Variants in MITF observed in about 807,000 individuals in gnomAD.
MITF encodes melanocyte inducing transcription factor.
Under a neutral mutation model 60.5 loss-of-function variants are expected in MITF, and 17 were observed. That is an observed-to-expected ratio of 0.28 (90% CI 0.19 to 0.42). MITF has a LOEUF of 0.42. Among genes scored for constraint, MITF ranks in the 10% least tolerant of loss-of-function variants. The probability of loss-of-function intolerance (pLI) is 1.00; values close to 1 mark genes in which losing one functional copy is unlikely to be tolerated. For missense variants in MITF, 622 were observed against 683.5 expected (o/e 0.91, Z 1.00); for synonymous variants, 260 against 248.5 (o/e 1.05, Z -0.43).
intron 2 of MITF, chr3:69,936,502 A>G: frequency 3.6e-6 from 4 of 1,123,534 alleles, no homozygotes; most frequent in Non-Finnish European, 4.7e-6. Flanking sequence ...AGGGCTTCCA[A>G]AAAAAAGGCC....
intron 2 of MITF, among the ~76,000 whole-genome samples, chr3:69,889,830 A>C (rs1179376829): frequency 6.6e-6 from 1 of 152,156 alleles, no homozygotes; most frequent in Non-Finnish European, 1.5e-5. Context: ...TTTAAATTAA[A>C]TTATATGAAA....
chr3:69,922,987 T>C (rs17006609), intron 2 of MITF, among the ~76,000 whole-genome samples: 2,328 of 152,330 alleles, frequency 0.015, 25 homozygotes, highest in Middle Eastern at 0.051. Context: ...TCTGTTCACT[T>C]TGGAATTGGG....
At chr3:69,945,502 C>T (rs771208870) in intron 5 of MITF, among the ~76,000 whole-genome samples, 17 of 152,136 alleles carry the variant, frequency 1.1e-4, no homozygotes, top group Admixed American at 5.2e-4. Context: ...CTGTATTTAT[C>T]GGGAAAGTTT....
intron 1 of MITF, among the ~76,000 whole-genome samples, chr3:69,833,612 C>T (rs2063489679): frequency 2.0e-5 from 3 of 150,768 alleles, no homozygotes; most frequent in Admixed American, 6.6e-5. Flanking sequence ...TTTCTGTTTA[C>T]ATTACACTGT....
chr3:69,873,523 G>T (rs1220694578), intron 1 of MITF, among the ~76,000 whole-genome samples: 1 of 152,136 alleles, frequency 6.6e-6, no homozygotes, highest in African/African-American at 2.4e-5. Flanking sequence ...CAGTTGTGCT[G>T]TACCCATAAA....
intron 1 of MITF, among the ~76,000 whole-genome samples, chr3:69,855,816 C>T (rs1241253761): frequency 6.6e-6 from 1 of 152,174 alleles, no homozygotes; most frequent in Non-Finnish European, 1.5e-5. Flanking sequence ...TATATCGAAG[C>T]ATCAACCTGT....
chr3:69,860,290 A>G (rs1028285633), intron 1 of MITF, among the ~76,000 whole-genome samples: 1 of 152,200 alleles, frequency 6.6e-6, no homozygotes, highest in African/African-American at 2.4e-5. Flanking sequence ...TGTTTTATAT[A>G]TTTTTGTTTG....
intron 1 of MITF, among the ~76,000 whole-genome samples, chr3:69,809,018 G>A (rs2063058035): frequency 6.6e-6 from 1 of 152,020 alleles, no homozygotes; most frequent in Non-Finnish European, 1.5e-5. Context: ...TAGTAACAGT[G>A]GGGTGGAGCA....
intron 2 of MITF, among the ~76,000 whole-genome samples, chr3:69,897,594 G>A (rs2064904555): frequency 6.6e-6 from 1 of 152,156 alleles, no homozygotes; most frequent in African/African-American, 2.4e-5. Context: ...ACAGATTTAA[G>A]TAGTACAACA....
Position 69,965,063 on chromosome 3 carries a change from G to A in MITF, c.1396G>A (p.Glu466Lys), listed in dbSNP as rs150995386. Residue 466 changes from glutamate (E) to lysine (K), a missense_variant, in exon 10 of 10, where the codon GAG becomes AAG. Glu to Lys is a moderately conservative substitution (Grantham distance 56). This residue lies in a region of MITF where 224 missense variants were observed against 209.5 expected (regional missense o/e 1.07). Coordinates refer to ENST00000352241, the MANE Select transcript of MITF (RefSeq NM_001354604.2). Reference protein sequence around the residue: ...TFNNNLGTGTEANQAYSVPTK... With the variant: ...TFNNNLGTGTKANQAYSVPTK... ...CAACAACAACCTCGGAACTGGGACT[G>A]AGGCCAACCAAGCCTATAGTGTCCC... 3.3e-5 allele frequency: 53 copies of A among 1,614,120 alleles called. No homozygotes were observed. The Middle Eastern group carries it at 6.6e-4, about 20-fold the overall frequency.
chr3:69,885,391 G>C (rs1265483457), intron 2 of MITF, among the ~76,000 whole-genome samples: 2 of 152,056 alleles, frequency 1.3e-5, no homozygotes, highest in Admixed American at 6.6e-5. Context: ...GGTGAAGGCA[G>C]TATCATAAGG....
intron 8 of MITF, 50 bp from the exon 9 acceptor site, chr3:69,959,223 A>G (rs764217404): frequency 1.9e-6 from 3 of 1,606,732 alleles, no homozygotes; most frequent in South Asian, 1.1e-5. Flanking sequence ...TTGAATTTTC[A>G]TTGAGCCTCA....
intron 1 of MITF, among the ~76,000 whole-genome samples, chr3:69,801,783 T>C (rs2062923954): frequency 6.6e-6 from 1 of 152,156 alleles, no homozygotes; most frequent in Non-Finnish European, 1.5e-5. Context: ...AAATGGGCTA[T>C]AGAGTATGGT....
intron 1 of MITF, among the ~76,000 whole-genome samples, chr3:69,869,082 A>G (rs1357413849): frequency 6.6e-6 from 1 of 152,160 alleles, no homozygotes; most frequent in Non-Finnish European, 1.5e-5. Flanking sequence ...TGATTCAAGC[A>G]AATGGTTTGA....
chr3:69,805,535 G>A (rs573218693), intron 1 of MITF, among the ~76,000 whole-genome samples: 2 of 151,932 alleles, frequency 1.3e-5, no homozygotes, highest in African/African-American at 4.8e-5. Flanking sequence ...CTTATTTGTT[G>A]TTATCTTTTC....
At chr3:69,871,065 A>G (rs1401997435) in intron 1 of MITF, among the ~76,000 whole-genome samples, 1 of 152,168 alleles carries the variant, frequency 6.6e-6, no homozygotes, top group Non-Finnish European at 1.5e-5. Flanking sequence ...GACTTCAGGA[A>G]TGATTTGATA....
At chr3:69,811,056 T>A (rs2063093310) in intron 1 of MITF, among the ~76,000 whole-genome samples, 1 of 152,218 alleles carries the variant, frequency 6.6e-6, no homozygotes, top group East Asian at 1.9e-4. Flanking sequence ...TCTAAAGCAG[T>A]GGTTCTGAAC....
chr3:69,815,087 G>T (rs972117001), intron 1 of MITF, among the ~76,000 whole-genome samples: 3 of 152,088 alleles, frequency 2.0e-5, no homozygotes, highest in Admixed American at 2.0e-4. Flanking sequence ...AGGGCCTCAG[G>T]CATACAAAAA....
At chr3:69,852,649 CAT>C (rs1435993142) in intron 1 of MITF, among the ~76,000 whole-genome samples, 6 of 152,122 alleles carry the variant, frequency 3.9e-5, no homozygotes, top group Non-Finnish European at 8.8e-5. Context: ...GGTGAACACA[CAT>C]ATAAATTTAT....
Sources: gnomAD v4.1 joint callset for allele counts (sites outside exome capture counted in the v4.1 genomes callset) on GRCh38, gnomAD v4.1.1 for gene constraint, gnomAD v4.1.1 regional missense constraint, MANE v1.5 for transcripts, NCBI Gene and HGNC (gene_info 2026-07-23, HGNC 2026-07-21) for gene names.